Variants in CACNA1G observed in about 807,000 individuals in gnomAD.
The protein encoded by CACNA1G is calcium voltage-gated channel subunit alpha1 G, also known as voltage-dependent T-type calcium channel subunit alpha-1G.
A neutral mutation model predicts 219.4 loss-of-function variants in CACNA1G; 67 were observed. The observed-to-expected ratio is 0.31, with a 90% CI of 0.25 to 0.37. The LOEUF (loss-of-function observed/expected upper bound fraction) is 0.37. CACNA1G is among the 10% of genes least tolerant of loss of function. The pLI, the probability that CACNA1G is intolerant of heterozygous loss-of-function variation, is 1.00. For synonymous variants in CACNA1G, 1,296 were observed against 1,345.3 expected (o/e 0.96, Z 0.80); for missense variants, 2,380 against 3,231.4 (o/e 0.74, Z 6.39).
chr17:50,615,467 G>T lies in CACNA1G; in HGVS notation c.4866G>T (p.Gly1622=), dbSNP rs1598710003. The change falls in exon 27 of 38, where the codon GGG becomes GGT. Residue 1622 remains glycine, a synonymous_variant. Coordinates refer to ENST00000359106, the MANE Select transcript of CACNA1G (RefSeq NM_018896.5). ...ACCTCTTCATCACAGGTGTCATCGG[G>T]CTGAACGTGGTCACCATGGCCATGG... ...YLDLFITGVI[G]LNVVTMAMEH... 2.5e-6 allele frequency: 4 copies of T among 1,613,740 alleles called. No individual in the cohort carries two copies. In the East Asian group the frequency reaches 8.9e-5, roughly 36 times the overall value.
At chr17:50,593,580 G>A (rs1487532580) in intron 13 of CACNA1G, among the ~76,000 whole-genome samples, 1 of 152,264 alleles carries the variant, frequency 6.6e-6, no homozygotes, top group East Asian at 1.9e-4. Flanking sequence ...GGGAATGAGC[G>A]CAGCCTGGCC....
chr17:50,612,868 C>T (rs2049538146), intron 26 of CACNA1G, among the ~76,000 whole-genome samples: 1 of 152,258 alleles, frequency 6.6e-6, no homozygotes, highest in Non-Finnish European at 1.5e-5. Context: ...GCTACCAATG[C>T]ATCAGTGACC....
intron 9 of CACNA1G, among the ~76,000 whole-genome samples, chr17:50,590,234 GA>G (rs2043990056): frequency 6.6e-6 from 1 of 152,138 alleles, no homozygotes; most frequent in African/African-American, 2.4e-5. Context: ...CTGAATCTGA[GA>G]CCCAGAGCTG....
At position 50,561,871 on chromosome 17, in the gene CACNA1G, G is replaced by A. The variant is rs1353880500; in HGVS notation, c.242+170G>A. 5 of 627,030 alleles carry A rather than the reference G, an allele frequency of 8.0e-6. No individual in the cohort carries two copies. The South Asian group carries it at 9.4e-5, about 12-fold the overall frequency. 38.8% of individuals were successfully genotyped at this position (627,030 alleles called of 1,614,324 possible). On this transcript the variant is annotated intron_variant, in intron 1 of 37. Transcript: ENST00000359106. ...GGGGAGGGGGCACCAGAGTGGGAGCGGAGACGCGAGCAGGTCTCGTCGGTA... is the reference window on the plus strand; with the variant it reads ...GGGGAGGGGGCACCAGAGTGGGAGCAGAGACGCGAGCAGGTCTCGTCGGTA...
rs141313510 is a variant in CACNA1G at position 50,594,919 on chromosome 17, C to G, written c.2911-74C>G. The G allele has an allele frequency of 2.6e-6, 3 of 1,152,730 alleles. No individual in the cohort carries two copies. The African/African-American group carries it at 4.6e-5, about 18-fold the overall frequency. 71.4% of individuals were successfully genotyped at this position (1,152,730 alleles called of 1,614,324 possible). Reference sequence around the variant, plus strand: ...GCCCCTCCTTTTCTTCATCCTCTCTCGACACTGCCGATATCTGAAGGCCCC... The same window carrying G: ...GCCCCTCCTTTTCTTCATCCTCTCTGGACACTGCCGATATCTGAAGGCCCC... On this transcript the variant is annotated intron_variant, in intron 13 of 37. Transcript: ENST00000359106.
intron 9 of CACNA1G, among the ~76,000 whole-genome samples, chr17:50,589,312 T>C (rs1456279619): frequency 6.6e-6 from 1 of 152,164 alleles, no homozygotes; most frequent in African/African-American, 2.4e-5. Context: ...ATTCAAGTGC[T>C]GCCTCTCTCC....
At chr17:50,590,240 G>A (rs960937545) in intron 9 of CACNA1G, among the ~76,000 whole-genome samples, 2 of 152,154 alleles carry the variant, frequency 1.3e-5, no homozygotes, top group Non-Finnish European at 2.9e-5. Context: ...CTGAGACCCA[G>A]AGCTGGGGCT....
Position 50,575,993 on chromosome 17 carries a change from C to A in CACNA1G, c.1591C>A (p.Arg531=), listed in dbSNP as rs12449998. Residue 531 remains arginine (R), a synonymous_variant, in exon 8 of 38, where the codon CGG becomes AGG. Transcript: ENST00000359106. ...GGACAGGGATGCCAATGGGTCCCGC[C>A]GGCTCATGCTGCCACCACCCTCGAC... The part of the protein sequence containing the change: ...IQDRDANGSR[R]LMLPPPSTPA... The A allele has an allele frequency of 0.47, 738,005 of 1,554,248 alleles. 185,237 individuals are homozygous for A. The highest frequency in any genetic ancestry group is 0.93 in the East Asian group (38,394 of 41,124).
At chr17:50,619,855 C>T (rs1339411839) in intron 34 of CACNA1G, 29 bp downstream of exon 34, 3 of 1,581,648 alleles carry the variant, frequency 1.9e-6, no homozygotes, top group Non-Finnish European at 2.6e-6. Flanking sequence ...TGTGCCCTCT[C>T]CCCTGACCGT....
chr17:50,591,406 G>A (rs1324264825), intron 10 of CACNA1G, 29 bp from the exon 11 acceptor site: 1 of 1,507,750 alleles, frequency 6.6e-7, no homozygotes, highest in Non-Finnish European at 8.9e-7. Context: ...GAAGGTGCAG[G>A]GGGCTCAGGC....
In CACNA1G at chr17:50,596,330, T is replaced by C. The variant is rs940927984; in HGVS notation, c.2980-232T>C. Among the ~76,000 whole-genome samples, 3 of 152,176 alleles carry C rather than the reference T, an allele frequency of 2.0e-5. No homozygotes were observed. Among genetic ancestry groups the C allele is most frequent in the Non-Finnish European group, 4.4e-5 (3 of 68,018 alleles). ...AGGCTGGTTGTGCTGTGGGCTCACA[T>C]AAGCTGTGGCCTTTTCTGAGGTGTG... is the stretch of plus-strand genomic sequence containing the variant. On this transcript the variant is annotated intron_variant, in intron 14 of 37. Transcript: ENST00000359106. The surrounding 1 kb of genome is among the most constrained non-coding windows in gnomAD (Gnocchi z 4.8).
Position 50,600,969 on chromosome 17 carries a change from A to AG in CACNA1G, c.3792-78dup. The AG allele has an allele frequency of 6.3e-7, 1 of 1,588,688 alleles. No individual in the cohort carries two copies. Among genetic ancestry groups the AG allele is most frequent in the Non-Finnish European group, 8.6e-7 (1 of 1,163,902 alleles). Reference sequence around the variant, plus strand: ...GTGGCCTCAGCTGGGAGGGCACTGGAGGGGCAGGGGCTGCGGGCGGTGCCT... The same window carrying AG: ...GTGGCCTCAGCTGGGAGGGCACTGGAGGGGGCAGGGGCTGCGGGCGGTGCCT... On this transcript the variant is annotated intron_variant, in intron 18 of 37. Transcript: ENST00000359106. This position sits in a 1 kb window ranked among gnomAD's most constrained non-coding sequence, Gnocchi z 4.1.
At position 50,621,818 on chromosome 17, in the gene CACNA1G, C is replaced by T. The variant is rs1236280721; in HGVS notation, c.6060+24C>T. 1.9e-6 allele frequency: 3 copies of T among 1,611,896 alleles called. No homozygotes were observed. Among genetic ancestry groups the T allele is most frequent in the African/African-American group, 1.3e-5 (1 of 74,892 alleles). On this transcript the variant is annotated intron_variant, in intron 35 of 37. Coordinates refer to ENST00000359106, the MANE Select transcript of CACNA1G (RefSeq NM_018896.5). The surrounding 1 kb of genome is among the most constrained non-coding windows in gnomAD (Gnocchi z 4.6). ...ATGTACATACACACTGCCCTCACTG[C>T]TCCCGGCCACCCCCGGGGCTGGACT...
chr17:50,625,284 T>A (rs2053458103), intron 37 of CACNA1G, among the ~76,000 whole-genome samples: 1 of 152,228 alleles, frequency 6.6e-6, no homozygotes, highest in South Asian at 2.1e-4. Context: ...CCACAGCCCA[T>A]GCCATGTGTG....
intron 1 of CACNA1G, among the ~76,000 whole-genome samples, chr17:50,562,601 G>A (rs1306125431): frequency 6.6e-6 from 1 of 152,092 alleles, no homozygotes; most frequent in African/African-American, 2.4e-5. Context: ...TGGGGGATGG[G>A]GTTAAGCTGG....
chr17:50,585,442 T>G (rs2042810417), intron 9 of CACNA1G, among the ~76,000 whole-genome samples: 1 of 152,118 alleles, frequency 6.6e-6, no homozygotes, highest in South Asian at 2.1e-4. Flanking sequence ...GGAAATATCA[T>G]GTCACCTACA....
At position 50,617,324 on chromosome 17, in the gene CACNA1G, C is replaced by T. The variant is rs1241046630; in HGVS notation, c.5022-114C>T. ...CGCCTCTTCTCTGTGGGATGGGAGG[C>T]TGGACCCGCTGATGTCTGCCCTCCT... is the stretch of plus-strand genomic sequence containing the variant. On this transcript the variant is annotated intron_variant, in intron 28 of 37. Coordinates refer to ENST00000359106, the MANE Select transcript of CACNA1G (RefSeq NM_018896.5). The surrounding 1 kb of genome is among the most constrained non-coding windows in gnomAD (Gnocchi z 5.8). The T allele has an allele frequency of 7.5e-6, 9 of 1,195,412 alleles. No individual in the cohort carries two copies. Among genetic ancestry groups the T allele is most frequent in the Non-Finnish European group, 1.0e-5 (9 of 861,130 alleles). The allele number at this position is 1,195,412 out of a possible 1,614,324, so 74.1% of individuals were successfully genotyped here.
At chr17:50,573,843 TAATA>T (rs769054441) in intron 7 of CACNA1G, among the ~76,000 whole-genome samples, 5 of 152,242 alleles carry the variant, frequency 3.3e-5, no homozygotes, top group Non-Finnish European at 7.3e-5. Context: ...CACTTTGAGC[TAATA>T]TTTATTGAGC....
chr17:50,569,317 G>A lies in CACNA1G; in HGVS notation c.488+19G>A. Reference sequence around the variant, plus strand: ...TCGCAGGGTGAGGACCTGGGCTGGGGTGGGAGAGCAATGGATCAGATCGGT... The same window carrying A: ...TCGCAGGGTGAGGACCTGGGCTGGGATGGGAGAGCAATGGATCAGATCGGT... On this transcript the variant is annotated intron_variant, in intron 3 of 37. Coordinates refer to ENST00000359106, the MANE Select transcript of CACNA1G (RefSeq NM_018896.5). 2 of 1,613,086 alleles carry A rather than the reference G, an allele frequency of 1.2e-6. No homozygotes were observed. Among genetic ancestry groups the A allele is most frequent in the South Asian group, 1.1e-5 (1 of 91,044 alleles).
Sources: allele counts gnomAD v4.1 joint callset (sites outside exome capture counted in the v4.1 genomes callset), GRCh38; gene constraint gnomAD v4.1.1; non-coding constraint Gnocchi (gnomAD v3.1); transcripts MANE v1.5; gene names NCBI Gene and HGNC (gene_info 2026-07-23, HGNC 2026-07-21).